The following UBE2O variants were observed in gnomAD, a reference collection of about 807,000 sequenced individuals.
UBE2O encodes the protein ubiquitin conjugating enzyme E2 O.
A neutral mutation model predicts 125.8 loss-of-function variants in UBE2O; 15 were observed. That is an observed-to-expected ratio of 0.12 (90% CI 0.08 to 0.18). The LOEUF is 0.18. UBE2O is among the 10% of genes least tolerant of loss of function. The probability of loss-of-function intolerance (pLI) is 1.00; values close to 1 mark genes in which losing one functional copy is unlikely to be tolerated. For synonymous variants in UBE2O, 708 were observed against 703.2 expected, an observed-to-expected ratio of 1.01 and a Z score of -0.11; for missense variants, 1,280 against 1,723.6, an observed-to-expected ratio of 0.74 and a Z score of 4.56.
intron 1 of UBE2O, among the ~76,000 whole-genome samples, chr17:76,431,345 C>T (rs1174846554): frequency 7.0e-6 from 1 of 142,402 alleles, no homozygotes; most frequent in Non-Finnish European, 1.5e-5. Context: ...AATCCCGCCT[C>T]TACTAAAGAT....
intron 1 of UBE2O, among the ~76,000 whole-genome samples, chr17:76,418,707 C>G (rs1432848145): frequency 6.6e-6 from 1 of 151,890 alleles, no homozygotes; most frequent in African/African-American, 2.4e-5. Context: ...GTAGCTGGGA[C>G]TACAGGCACC....
rs1186973289 is a variant in UBE2O at position 76,404,803 on chromosome 17, G to A, written c.588+403C>T. ...TCGGGGAAAAGGAGGGAGGGAAGGT[G>A]ATGGAGCAAACGAAGTGAAATCTTA... On this transcript the variant is annotated intron_variant, in intron 3 of 17. Coordinates refer to ENST00000319380, the MANE Select transcript of UBE2O (RefSeq NM_022066.4). The surrounding 1 kb of genome is among the most constrained non-coding windows in gnomAD (Gnocchi z 4.3). 1.3e-5 allele frequency among the ~76,000 whole-genome samples: 2 copies of A among 152,132 alleles called. No homozygotes were observed. Among genetic ancestry groups the A allele is most frequent in the Non-Finnish European group, 1.5e-5 (1 of 68,020 alleles).
rs2072380766 is a variant in UBE2O, at chr17:76,404,313, C to T, written c.588+893G>A. ...GACCAGGGGTAAAAGTGAACAACCC[C>T]AGCACTTTGGCTATGGGGTACCATG... On this transcript the variant is annotated intron_variant, in intron 3 of 17. Transcript: ENST00000319380. This position sits in a 1 kb window ranked among gnomAD's most constrained non-coding sequence, Gnocchi z 4.3. Among the ~76,000 whole-genome samples the T allele has an allele frequency of 6.6e-6, 1 of 152,176 alleles. No individual in the cohort carries two copies. The highest frequency in any genetic ancestry group is 2.4e-5 in the African/African-American group (1 of 41,442).
At chr17:76,450,344 T>C (rs1443105450) in intron 1 of UBE2O, among the ~76,000 whole-genome samples, 2 of 152,168 alleles carry the variant, frequency 1.3e-5, no homozygotes, top group South Asian at 2.1e-4. Context: ...CCTGTATCTA[T>C]AGCTCATGGT....
chr17:76,400,010 G>A lies in UBE2O; in HGVS notation c.1156-89C>T. 6.5e-7 allele frequency: 1 copy of A among 1,527,502 alleles called. No homozygotes were observed. Among genetic ancestry groups the A allele is most frequent in the Non-Finnish European group, 8.9e-7 (1 of 1,129,574 alleles). The allele number at this position is 1,527,502 out of a possible 1,614,324, so 94.6% of individuals were successfully genotyped here. ...ATCTCAGGCTGGGGGGATGACAGCT[G>A]TATACACCTGAGTAGCCGGCAAGGG... On this transcript the variant is annotated intron_variant, in intron 8 of 17. Coordinates refer to ENST00000319380, the MANE Select transcript of UBE2O (RefSeq NM_022066.4). The surrounding 1 kb of genome is among the most constrained non-coding windows in gnomAD (Gnocchi z 4.3).
rs775026016 is a variant in UBE2O, at chr17:76,396,398, G to A, written c.2539C>T (p.Pro847Ser). The change falls in exon 14 of 18, where the codon CCA becomes TCA. Residue 847 changes from proline to serine, a missense_variant. By Grantham distance (74) the Pro-to-Ser change is moderately conservative. Transcript: ENST00000319380. The surrounding 1 kb of genome is among the most constrained non-coding windows in gnomAD (Gnocchi z 6.7). ...PTSPTVEPEKPTREKKFLDDI... is the reference protein window; with the variant it reads ...PTSPTVEPEKSTREKKFLDDI... ...TCCAGAAACTTCTTCTCCCGAGTTG[G>A]CTTCTCAGGCTCCACAGTCGGAGAG... The A allele has an allele frequency of 1.1e-5, 18 of 1,614,166 alleles. 1 individual carries two copies. In the South Asian group the frequency reaches 2.0e-4, roughly 18 times the overall value.
chr17:76,431,508 A>G (rs550175306), intron 1 of UBE2O, among the ~76,000 whole-genome samples: 13 of 152,360 alleles, frequency 8.5e-5, no homozygotes, highest in Admixed American at 8.5e-4. Flanking sequence ...CTGTCTCAAA[A>G]AAAAAGTCAA....
chr17:76,446,285 C>T (rs2073149639), intron 1 of UBE2O, among the ~76,000 whole-genome samples: 1 of 152,188 alleles, frequency 6.6e-6, no homozygotes, highest in Non-Finnish European at 1.5e-5. Context: ...ACACTGATCA[C>T]GTGCCCAGGA....
At chr17:76,424,871 T>A (rs920302282) in intron 1 of UBE2O, among the ~76,000 whole-genome samples, 7 of 144,756 alleles carry the variant, frequency 4.8e-5, no homozygotes, top group Admixed American at 2.1e-4. Context: ...TTATTTTTTA[T>A]TTTTTTTTTT....
In UBE2O at chr17:76,400,345, C is replaced by G. The variant is rs1432970666; in HGVS notation, c.1005-48G>C. ...TGAGCTGGGCTGGACTCCTGGGAGG[C>G]CAGCAGTGTTCTTAAGCCTCCCCAG... is the stretch of plus-strand genomic sequence containing the variant. On this transcript the variant is annotated intron_variant, in intron 7 of 17. Transcript: ENST00000319380. The surrounding 1 kb of genome is among the most constrained non-coding windows in gnomAD (Gnocchi z 4.3). The G allele has an allele frequency of 1.9e-6, 3 of 1,603,588 alleles. No individual in the cohort carries two copies. The highest frequency in any genetic ancestry group is 1.1e-5 in the South Asian group (1 of 90,362).
At chr17:76,407,087 G>A (rs918876083) in intron 1 of UBE2O, among the ~76,000 whole-genome samples, 1 of 152,264 alleles carries the variant, frequency 6.6e-6, no homozygotes, top group East Asian at 1.9e-4. Context: ...CACTCCTGCC[G>A]ACATGTGGAA....
Position 76,391,432 on chromosome 17 carries a change from G to C in UBE2O, c.3390C>G (p.His1130Gln). 1.2e-6 allele frequency: 2 copies of C among 1,613,748 alleles called. No individual in the cohort carries two copies. The highest frequency in any genetic ancestry group is 1.1e-5 in the South Asian group (1 of 91,086). Residue 1130 changes from histidine (H) to glutamine (Q), a missense_variant, in exon 18 of 18, where the codon CAC becomes CAG. By Grantham distance (24) the His-to-Gln change is conservative (BLOSUM62 0). Transcript: ENST00000319380. This position sits in a 1 kb window ranked among gnomAD's most constrained non-coding sequence, Gnocchi z 8.4. ...PEVFEQEIRQ[H>Q]FSTGGWRLVN... The stretch of plus-strand genomic sequence containing the variant: ...CCAGCCGCCAGCCACCAGTGCTAAA[G>C]TGTTGCCTGATCTCCTGCTCAAAGA...
At chr17:76,411,505 C>A (rs1455999564) in intron 1 of UBE2O, among the ~76,000 whole-genome samples, 1 of 152,164 alleles carries the variant, frequency 6.6e-6, no homozygotes, top group Non-Finnish European at 1.5e-5. Flanking sequence ...AAAGCAGGGG[C>A]CTGCATGGAG....
intron 1 of UBE2O, among the ~76,000 whole-genome samples, chr17:76,435,238 G>C (rs1389673970): frequency 6.6e-6 from 1 of 152,110 alleles, no homozygotes; most frequent in Non-Finnish European, 1.5e-5. Flanking sequence ...TATGTAAAAA[G>C]CTAAAATATA....
chr17:76,392,798 C>G (rs528676509), intron 15 of UBE2O, among the ~76,000 whole-genome samples: 3 of 151,764 alleles, frequency 2.0e-5, no homozygotes, highest in African/African-American at 7.3e-5. Flanking sequence ...ACTAAAAATA[C>G]AAAAATTAGC....
chr17:76,412,655 G>A (rs983525524), intron 1 of UBE2O, among the ~76,000 whole-genome samples: 1 of 152,150 alleles, frequency 6.6e-6, no homozygotes, highest in Non-Finnish European at 1.5e-5. Context: ...CACAGGTGTG[G>A]CGCCACTATA....
intron 1 of UBE2O, among the ~76,000 whole-genome samples, chr17:76,409,769 C>T (rs1439878843): frequency 1.3e-5 from 2 of 152,190 alleles, no homozygotes; most frequent in African/African-American, 2.4e-5. Context: ...ATCCTCTGTG[C>T]CTCCTCTGGA....
At chr17:76,438,374 C>G (rs2073030738) in intron 1 of UBE2O, among the ~76,000 whole-genome samples, 2 of 150,418 alleles carry the variant, frequency 1.3e-5, no homozygotes, top group African/African-American at 2.4e-5. Context: ...AAAAGAAAAA[C>G]TTAAAGGCTC....
chr17:76,394,283 G>T (rs886265612), intron 15 of UBE2O, among the ~76,000 whole-genome samples: 4 of 152,188 alleles, frequency 2.6e-5, no homozygotes, highest in African/African-American at 9.7e-5. Flanking sequence ...TCAGAGTCTA[G>T]CATAGTGCTT....
Sources: allele counts gnomAD v4.1 joint callset (sites outside exome capture counted in the v4.1 genomes callset), GRCh38; gene constraint gnomAD v4.1.1; non-coding constraint Gnocchi (gnomAD v3.1); transcripts MANE v1.5; gene names NCBI Gene and HGNC (gene_info 2026-07-23, HGNC 2026-07-21).